EYS: variants seen among roughly 807,000 people sequenced by gnomAD.
EYS encodes protein eyes shut homolog.
EYS carries 250 observed loss-of-function variants against 282.1 expected under a neutral mutation model. That is an observed-to-expected ratio of 0.89 (90% confidence interval 0.80 to 0.98). EYS has a LOEUF of 0.98. Ranked by LOEUF, EYS falls within the 50% of genes least tolerant of loss-of-function variation. The pLI is 0.00. For missense variants in EYS, 4,016 were observed against 3,709.0 expected, an observed-to-expected ratio of 1.08 and a Z score of -2.15; for synonymous variants, 1,355 against 1,282.9, an observed-to-expected ratio of 1.06 and a Z score of -1.20.
chr6:65,188,906 G>C (rs960553258), intron 12 of EYS, among the ~76,000 whole-genome samples: 1 of 151,494 alleles, frequency 6.6e-6, no homozygotes, highest in Non-Finnish European at 1.5e-5. Context: ...ATCATGACTA[G>C]CCCAGTGAGA....
intron 5 of EYS, among the ~76,000 whole-genome samples, chr6:65,437,615 C>T (rs887952538): frequency 6.6e-6 from 1 of 152,096 alleles, no homozygotes; most frequent in African/African-American, 2.4e-5. Flanking sequence ...TTAAAGAGTA[C>T]TTCATGTATG....
intron 39 of EYS, among the ~76,000 whole-genome samples, chr6:63,780,281 T>A (rs1039332413): frequency 4.6e-5 from 7 of 152,200 alleles, no homozygotes; most frequent in African/African-American, 1.7e-4. Context: ...GATCGCTGGG[T>A]CAAATGGTAT....
chr6:65,577,787 A>G (rs963786589), intron 2 of EYS, among the ~76,000 whole-genome samples: 1 of 151,552 alleles, frequency 6.6e-6, no homozygotes, highest in Non-Finnish European at 1.5e-5. Context: ...CTGAATAAAT[A>G]TTTCTCAAAA....
At chr6:64,400,969 C>T (rs1269887595) in intron 28 of EYS, among the ~76,000 whole-genome samples, 1 of 151,860 alleles carries the variant, frequency 6.6e-6, no homozygotes, top group Non-Finnish European at 1.5e-5. Flanking sequence ...TGAATTCTAT[C>T]CATTAAGTTT....
chr6:64,544,443 A>G (rs1764785768), intron 26 of EYS, among the ~76,000 whole-genome samples: 1 of 152,078 alleles, frequency 6.6e-6, no homozygotes, highest in African/African-American at 2.4e-5. Context: ...ACCATCTAGC[A>G]CTCCTAGACT....
At chr6:65,492,321 G>GAAAGATGA (rs1554202568) in intron 4 of EYS, among the ~76,000 whole-genome samples, 1 of 99,642 alleles carries the variant, frequency 1.0e-5, no homozygotes, top group Admixed American at 9.9e-5. Flanking sequence ...GAGAAAGAAA[G>GAAAGATGA]AAGAAAGAAA....
chr6:64,782,841 G>A (rs77622639), intron 22 of EYS, among the ~76,000 whole-genome samples: 6,308 of 152,176 alleles, frequency 0.041, 153 homozygotes, highest in East Asian at 0.073. Flanking sequence ...GTTCATTTTA[G>A]GGCACTTGTA....
At chr6:65,160,510 C>T (rs1764827421) in intron 12 of EYS, among the ~76,000 whole-genome samples, 1 of 150,708 alleles carries the variant, frequency 6.6e-6, no homozygotes, top group Admixed American at 6.7e-5. Flanking sequence ...GTTGGGGGCA[C>T]TTATCTTTTG....
chr6:65,392,527 T>G (rs577571281), intron 7 of EYS, among the ~76,000 whole-genome samples: 9 of 152,176 alleles, frequency 5.9e-5, no homozygotes, highest in African/African-American at 2.2e-4. Flanking sequence ...GAAAAGACAC[T>G]TCTCAAAAGA....
intron 37 of EYS, among the ~76,000 whole-genome samples, chr6:63,800,456 A>C (rs1770755855): frequency 6.6e-6 from 1 of 152,184 alleles, no homozygotes; most frequent in African/African-American, 2.4e-5. Flanking sequence ...TAGTTTTTAA[A>C]AGGTATGAGA....
At chr6:63,930,906 A>G (rs1007232764) in intron 35 of EYS, among the ~76,000 whole-genome samples, 1 of 152,196 alleles carries the variant, frequency 6.6e-6, no homozygotes, top group African/African-American at 2.4e-5. Flanking sequence ...CTTGATGATC[A>G]TATTAGCATT....
intron 2 of EYS, among the ~76,000 whole-genome samples, chr6:65,617,191 G>C (rs1192446811): frequency 1.3e-5 from 2 of 151,812 alleles, no homozygotes; most frequent in Non-Finnish European, 2.9e-5. Flanking sequence ...AAGAAATGTT[G>C]ACCTGGAGAA....
At chr6:64,007,663 C>A (rs1011600015) in intron 33 of EYS, among the ~76,000 whole-genome samples, 1 of 151,998 alleles carries the variant, frequency 6.6e-6, no homozygotes, top group African/African-American at 2.4e-5. Context: ...TTTAGCTGTG[C>A]CCCAGGAATT....
chr6:64,673,886 A>G (rs1769555429), intron 22 of EYS, among the ~76,000 whole-genome samples: 1 of 152,078 alleles, frequency 6.6e-6, no homozygotes, highest in African/African-American at 2.4e-5. Flanking sequence ...TATTAGAAAA[A>G]TTTATGTTTT....
At chr6:64,493,839 T>A (rs529352973) in intron 26 of EYS, among the ~76,000 whole-genome samples, 1 of 151,432 alleles carries the variant, frequency 6.6e-6, no homozygotes. Context: ...TCTCCTCAAT[T>A]AAGAACTGCC....
intron 31 of EYS, among the ~76,000 whole-genome samples, chr6:64,098,127 T>G (rs1772696181): frequency 6.6e-6 from 1 of 152,208 alleles, no homozygotes; most frequent in African/African-American, 2.4e-5. Context: ...TATCCAGTAA[T>G]AATTAAGAAG....
At chr6:65,149,653 C>T (rs1764564490) in intron 12 of EYS, among the ~76,000 whole-genome samples, 1 of 152,024 alleles carries the variant, frequency 6.6e-6, no homozygotes, top group Admixed American at 6.6e-5. Context: ...AACCATTCAA[C>T]ATGTCTCTAG....
intron 5 of EYS, among the ~76,000 whole-genome samples, chr6:65,456,959 A>G (rs531982065): frequency 1.3e-5 from 2 of 152,166 alleles, no homozygotes; most frequent in South Asian, 2.1e-4. Flanking sequence ...GCTACTTACC[A>G]TTATCTCCTG....
At chr6:65,201,161 C>A (rs990930515) in intron 12 of EYS, among the ~76,000 whole-genome samples, 2 of 152,074 alleles carry the variant, frequency 1.3e-5, no homozygotes, top group Non-Finnish European at 2.9e-5. Flanking sequence ...TAGGTAAAAT[C>A]TTGCTATGAA....
Sources: gnomAD v4.1 joint callset for allele counts (sites outside exome capture counted in the v4.1 genomes callset) on GRCh38, gnomAD v4.1.1 for gene constraint, MANE v1.5 for transcripts, NCBI Gene and HGNC (gene_info 2026-07-23, HGNC 2026-07-21) for gene names.